The following DLC1 variants were observed in gnomAD, a reference collection of about 807,000 sequenced individuals.
The protein encoded by DLC1 is rho GTPase-activating protein 7.
In DLC1, 54 loss-of-function variants were observed where a neutral mutation model predicts 140.3. That is an observed-to-expected ratio of 0.38 (90% CI 0.31 to 0.48). The LOEUF (loss-of-function observed/expected upper bound fraction) is 0.48, where lower values mean the gene tolerates loss of function less well. Ranked by LOEUF, DLC1 falls within the 20% of genes least tolerant of loss-of-function variation. The probability of loss-of-function intolerance (pLI) is 0.96; values close to 1 mark genes in which losing one functional copy is unlikely to be tolerated. For synonymous variants in DLC1, 986 were observed against 728.1 expected (o/e 1.35, Z -5.70); for missense variants, 2,536 against 1,907.0 (o/e 1.33, Z -6.14).
intron 5 of DLC1, among the ~76,000 whole-genome samples, chr8:13,155,441 A>G (rs1206330358): frequency 6.6e-6 from 1 of 152,072 alleles, no homozygotes; most frequent in South Asian, 2.1e-4. Context: ...TAAATGTTCT[A>G]GTTTATACAT....
chr8:13,314,548 C>T (rs1832793025), intron 4 of DLC1, among the ~76,000 whole-genome samples: 1 of 151,986 alleles, frequency 6.6e-6, no homozygotes, highest in African/African-American at 2.4e-5. Flanking sequence ...TTAATTACTA[C>T]CAATTATATT....
At chr8:13,297,209 T>C (rs1831990615) in intron 5 of DLC1, among the ~76,000 whole-genome samples, 1 of 133,698 alleles carries the variant, frequency 7.5e-6, no homozygotes, top group Admixed American at 8.9e-5. Context: ...TTAGAAACAC[T>C]GAGAAGTTAT....
intron 1 of DLC1, among the ~76,000 whole-genome samples, chr8:13,590,366 A>G (rs1805478451): frequency 6.6e-6 from 1 of 152,044 alleles, no homozygotes; most frequent in South Asian, 2.1e-4. Context: ...AAACTTTGGA[A>G]GGAACATTGT....
intron 1 of DLC1, among the ~76,000 whole-genome samples, chr8:13,595,367 C>T (rs1204364767): frequency 6.6e-6 from 1 of 151,974 alleles, no homozygotes; most frequent in Non-Finnish European, 1.5e-5. Context: ...GTGAGTGTAG[C>T]ATCTTTGCAT....
At chr8:13,447,880 C>T (rs892964116) in intron 2 of DLC1, among the ~76,000 whole-genome samples, 4 of 151,880 alleles carry the variant, frequency 2.6e-5, no homozygotes, top group African/African-American at 9.7e-5. Flanking sequence ...ATAAAAATAC[C>T]CTGTCTCTAA....
At chr8:13,492,831 AGACGATATAT>A in intron 2 of DLC1, among the ~76,000 whole-genome samples, 1 of 152,332 alleles carries the variant, frequency 6.6e-6, no homozygotes, top group East Asian at 1.9e-4. Context: ...ATTTGTCATG[AGACGATATAT>A]TTGAGCCCCA....
chr8:13,286,277 T>A (rs1199826897), intron 5 of DLC1, among the ~76,000 whole-genome samples: 1 of 152,102 alleles, frequency 6.6e-6, no homozygotes, highest in African/African-American at 2.4e-5. Flanking sequence ...AGGAGGTGGT[T>A]TTTCTACCAC....
chr8:13,231,502 C>T (rs533282477), intron 5 of DLC1, among the ~76,000 whole-genome samples: 1 of 152,250 alleles, frequency 6.6e-6, no homozygotes, highest in East Asian at 1.9e-4. Flanking sequence ...TTATTACTTC[C>T]TAATTTACAA....
chr8:13,103,920 G>A (rs1819331386), intron 7 of DLC1, among the ~76,000 whole-genome samples: 1 of 151,060 alleles, frequency 6.6e-6, no homozygotes, highest in Admixed American at 6.6e-5. Context: ...CAGCAAAACA[G>A]CAACAAAGAA....
chr8:13,388,364 C>G (rs1836611513), intron 4 of DLC1, among the ~76,000 whole-genome samples: 1 of 152,040 alleles, frequency 6.6e-6, no homozygotes, highest in South Asian at 2.1e-4. Context: ...TGTTTTGAAA[C>G]TATTTCTCAG....
At chr8:13,305,036 G>T in intron 5 of DLC1, 2 of 1,148,072 alleles carry the variant, frequency 1.7e-6, no homozygotes, top group South Asian at 4.1e-5. Context: ...CAGTTACAAG[G>T]AAGACCCCAA....
chr8:13,371,327 T>G (rs927331836), intron 4 of DLC1, among the ~76,000 whole-genome samples: 2 of 152,166 alleles, frequency 1.3e-5, no homozygotes, highest in Non-Finnish European at 1.5e-5. Flanking sequence ...ATGTATTCTG[T>G]CCCCATTCAA....
Position 13,092,767 on chromosome 8 carries a change from G to C in DLC1, c.3585C>G (p.Asp1195Glu). The C allele has an allele frequency of 6.2e-7, 1 of 1,614,066 alleles. No individual in the cohort carries two copies. Among genetic ancestry groups the C allele is most frequent in the Non-Finnish European group, 8.5e-7 (1 of 1,180,010 alleles). ...AIKAAIMLLPDENREVLQTLL... is the reference protein window; with the variant it reads ...AIKAAIMLLPEENREVLQTLL... ...GGGTCTGCAGAACCTCCCGGTTCTC[G>C]TCAGGCAGCAGCATGATGGCAGCCT... is the stretch of plus-strand genomic sequence containing the variant. Residue 1195 changes from aspartate (D) to glutamate (E), a missense_variant, in exon 13 of 18, where the codon GAC becomes GAG. Transcript: ENST00000276297.
intron 2 of DLC1, among the ~76,000 whole-genome samples, chr8:13,436,398 A>T (rs1170137512): frequency 6.6e-6 from 1 of 152,224 alleles, no homozygotes; most frequent in African/African-American, 2.4e-5. Context: ...GTATTCAATT[A>T]CCTATCAAGA....
chr8:13,564,122 C>T lies in DLC1; in HGVS notation c.-126+40415G>A, dbSNP rs569311650. ...TATTATTACTTTTGCAAAAAAATAG[C>T]TATTAAAGTAGAAGGCAGCTATTCA... is the stretch of plus-strand genomic sequence containing the variant. On this transcript the variant is annotated intron_variant, in intron 1 of 1. Coordinates refer to the DLC1 transcript ENST00000631382. 1.3e-3 allele frequency among the ~76,000 whole-genome samples: 204 copies of T among 152,008 alleles called. 2 individuals carry two copies. The highest frequency in any genetic ancestry group is 4.8e-3 in the African/African-American group (197 of 41,444).
chr8:13,371,754 T>C lies in DLC1; in HGVS notation c.1314+21799A>G, dbSNP rs370220757. Among the ~76,000 whole-genome samples the C allele has an allele frequency of 1.6e-3, 240 of 152,248 alleles. 7 individuals carry two copies. The South Asian group carries it at 0.041, about 26-fold the overall frequency. On this transcript the variant is annotated intron_variant, in intron 4 of 17. Coordinates refer to ENST00000276297, the MANE Select transcript of DLC1 (RefSeq NM_182643.3). ...CACTCCAGGCTTTCCTGAGTTAGAG[T>C]TGGCTGTGCATTAGTGTGTTTCCTG...
intron 13 of DLC1, among the ~76,000 whole-genome samples, chr8:13,091,933 G>A (rs1338053412): frequency 6.6e-6 from 1 of 152,114 alleles, no homozygotes; most frequent in African/African-American, 2.4e-5. Context: ...CAGTTGGAAT[G>A]CCCCAGTCAA....
intron 1 of DLC1, among the ~76,000 whole-genome samples, chr8:13,589,159 C>T (rs927867956): frequency 6.6e-6 from 1 of 152,102 alleles, no homozygotes; most frequent in Non-Finnish European, 1.5e-5. Flanking sequence ...TATCCTTCAT[C>T]TGTCCAAACA....
chr8:13,473,237 G>C (rs1447084246), intron 2 of DLC1, among the ~76,000 whole-genome samples: 1 of 152,138 alleles, frequency 6.6e-6, no homozygotes, highest in Non-Finnish European at 1.5e-5. Flanking sequence ...TGATTTGGTT[G>C]TGTCCCCACC....
Sources: allele counts gnomAD v4.1 joint callset (sites outside exome capture counted in the v4.1 genomes callset), GRCh38; gene constraint gnomAD v4.1.1; transcripts MANE v1.5; gene names NCBI Gene and HGNC (gene_info 2026-07-23, HGNC 2026-07-21).